OSBP2: variants seen among roughly 807,000 people sequenced by gnomAD.
The protein encoded by OSBP2 is oxysterol binding protein 2, also known as oxysterol-binding protein 2.
OSBP2 carries 66 observed loss-of-function variants against 96.0 expected under a neutral mutation model. That is an observed-to-expected ratio of 0.69 (90% CI 0.56 to 0.84). The LOEUF (loss-of-function observed/expected upper bound fraction) is 0.84, where lower values mean the gene tolerates loss of function less well. Ranked by LOEUF, OSBP2 falls within the 40% of genes least tolerant of loss-of-function variation. The pLI is 0.00. For synonymous variants in OSBP2, 525 were observed against 520.9 expected (o/e 1.01, Z -0.11); for missense variants, 1,038 against 1,222.7 (o/e 0.85, Z 2.25).
At chr22:30,802,206 A>G (rs1222064248) in intron 2 of OSBP2, among the ~76,000 whole-genome samples, 2 of 152,306 alleles carry the variant, frequency 1.3e-5, no homozygotes, top group African/African-American at 2.4e-5. Flanking sequence ...GTCAGAATCA[A>G]TGACCCCCCA....
chr22:30,813,746 C>T (rs539197989), intron 2 of OSBP2, among the ~76,000 whole-genome samples: 1 of 151,994 alleles, frequency 6.6e-6, no homozygotes, highest in African/African-American at 2.4e-5. Context: ...TTGTGTAGGG[C>T]AGTGGTGTGG....
chr22:30,904,057 C>T (rs931949620), intron 12 of OSBP2, among the ~76,000 whole-genome samples: 3 of 152,326 alleles, frequency 2.0e-5, no homozygotes, highest in East Asian at 3.9e-4. Context: ...TGAACGCCCG[C>T]GTGTGAACAG....
intron 2 of OSBP2, among the ~76,000 whole-genome samples, chr22:30,867,835 AG>A (rs1423900647): frequency 4.6e-5 from 7 of 152,236 alleles, no homozygotes; most frequent in Non-Finnish European, 1.0e-4. Flanking sequence ...CTTACAGAGC[AG>A]GGGTCACATT....
At chr22:30,873,001 G>T (rs575853974) in intron 3 of OSBP2, among the ~76,000 whole-genome samples, 193 of 152,276 alleles carry the variant, frequency 1.3e-3, no homozygotes, top group African/African-American at 4.5e-3. Flanking sequence ...TTGGACCAGG[G>T]CTCTGTAACT....
intron 2 of OSBP2, among the ~76,000 whole-genome samples, chr22:30,821,770 A>G (rs1424825684): frequency 6.6e-6 from 1 of 152,208 alleles, no homozygotes; most frequent in Non-Finnish European, 1.5e-5. Flanking sequence ...ACTCTGGGGA[A>G]AACTAGGATT....
intron 3 of OSBP2, among the ~76,000 whole-genome samples, chr22:30,872,818 C>T (rs1251114423): frequency 6.6e-6 from 1 of 152,220 alleles, no homozygotes; most frequent in African/African-American, 2.4e-5. Flanking sequence ...CTGGCAGGAA[C>T]CGGGGTAGTT....
At chr22:30,855,662 A>G (rs1273744760) in intron 2 of OSBP2, among the ~76,000 whole-genome samples, 1 of 152,166 alleles carries the variant, frequency 6.6e-6, no homozygotes, top group African/African-American at 2.4e-5. Flanking sequence ...CATGGCCCCC[A>G]CTACATGCTA....
chr22:30,738,151 G>C (rs1199360645), intron 1 of OSBP2, among the ~76,000 whole-genome samples: 1 of 143,802 alleles, frequency 7.0e-6, no homozygotes, highest in African/African-American at 2.6e-5. Context: ...TCTCTCATTT[G>C]CTCTCTTGTT....
intron 9 of OSBP2, 22 bp from the exon 10 acceptor site, chr22:30,893,441 C>T (rs1271562627): frequency 6.2e-7 from 1 of 1,601,038 alleles, no homozygotes; most frequent in African/African-American, 1.3e-5. Context: ...GGCATGACCT[C>T]TGACCTGTCC....
Position 30,716,486 on chromosome 22 carries a change from G to A in OSBP2, c.644+20933G>A, listed in dbSNP as rs2089457426. ...AGAGTCTCACATGGTTGCCCGGGCT[G>A]GAGTGCAATGGCTCAATCTCGGCTC... On this transcript the variant is annotated intron_variant, in intron 1 of 13. Transcript: ENST00000332585. Among the ~76,000 whole-genome samples the A allele has an allele frequency of 2.6e-5, 4 of 151,956 alleles. No homozygotes were observed. The South Asian group carries it at 8.3e-4, about 32-fold the overall frequency.
intron 2 of OSBP2, among the ~76,000 whole-genome samples, chr22:30,840,083 T>C (rs577463098): frequency 4.0e-5 from 6 of 150,808 alleles, no homozygotes; most frequent in Non-Finnish European, 7.4e-5. Context: ...CTTTCTTTTT[T>C]AGCATTGGGT....
At chr22:30,865,631 CAAAAA>C (rs398040482) in intron 2 of OSBP2, among the ~76,000 whole-genome samples, 18 of 59,896 alleles carry the variant, frequency 3.0e-4, no homozygotes, top group Admixed American at 2.1e-3. Flanking sequence ...GACTCCATCT[CAAAAA>C]AAAAAAAAAA....
intron 2 of OSBP2, among the ~76,000 whole-genome samples, chr22:30,755,127 C>T (rs769657533): frequency 1.3e-5 from 2 of 152,222 alleles, no homozygotes; most frequent in Non-Finnish European, 2.9e-5. Context: ...GGGCACTTCT[C>T]AGCTGCTGAT....
intron 2 of OSBP2, among the ~76,000 whole-genome samples, chr22:30,764,072 C>T (rs953716279): frequency 3.3e-5 from 5 of 152,212 alleles, no homozygotes; most frequent in African/African-American, 4.8e-5. Flanking sequence ...TGTAAGAAAC[C>T]GATACAGAGC....
upstream of OSBP2, chr22:30,694,298 A>T: frequency 6.5e-7 from 1 of 1,549,414 alleles, no homozygotes; most frequent in Non-Finnish European, 8.7e-7. Context: ...TGAGGCGGCC[A>T]CTTGGGGCCA....
chr22:30,777,616 T>C (rs1489213883), intron 2 of OSBP2, among the ~76,000 whole-genome samples: 1 of 152,210 alleles, frequency 6.6e-6, no homozygotes, highest in African/African-American at 2.4e-5. Context: ...CTGGTCACAC[T>C]GGACTGAGGG....
At chr22:30,761,892 A>G (rs914498398) in intron 2 of OSBP2, among the ~76,000 whole-genome samples, 7 of 152,244 alleles carry the variant, frequency 4.6e-5, no homozygotes, top group African/African-American at 1.7e-4. Flanking sequence ...TCCATATGCA[A>G]TAAAATGAAT....
chr22:30,871,170 C>T lies in OSBP2; in HGVS notation c.1107+488C>T, dbSNP rs949395391. On this transcript the variant is annotated intron_variant, in intron 3 of 13. Coordinates refer to ENST00000332585, the MANE Select transcript of OSBP2 (RefSeq NM_030758.4). The surrounding 1 kb of genome is among the most constrained non-coding windows in gnomAD (Gnocchi z 4.7). ...CGAGGGCTCCCTGAGCTAGAAGGGC[C>T]TCAGAGCTGAGCCTGCCGAGGTCGT... 2.0e-5 allele frequency among the ~76,000 whole-genome samples: 3 copies of T among 152,098 alleles called. No homozygotes were observed. The highest frequency in any genetic ancestry group is 7.2e-5 in the African/African-American group (3 of 41,400).
chr22:30,830,928 C>T (rs1302706598), intron 2 of OSBP2, among the ~76,000 whole-genome samples: 1 of 151,576 alleles, frequency 6.6e-6, no homozygotes, highest in African/African-American at 2.4e-5. Context: ...ACATCATAAA[C>T]ACTTTCCCAC....
Sources: gnomAD v4.1 joint callset for allele counts (sites outside exome capture counted in the v4.1 genomes callset) on GRCh38, gnomAD v4.1.1 for gene constraint, Gnocchi (gnomAD v3.1) non-coding constraint, MANE v1.5 for transcripts, NCBI Gene and HGNC (gene_info 2026-07-23, HGNC 2026-07-21) for gene names.